DNAH6: variants seen among roughly 807,000 people sequenced by gnomAD.
The protein encoded by DNAH6 is axonemal beta dynein heavy chain 6.
Under a neutral mutation model 491.4 loss-of-function variants are expected in DNAH6, and 340 were observed. The ratio of observed to expected loss-of-function variants is 0.69; its 90% CI spans 0.63 to 0.76. DNAH6 has a LOEUF of 0.76. Among genes scored for constraint, DNAH6 ranks in the 30% least tolerant of loss-of-function variants. DNAH6 has a pLI of 0.00. For missense variants in DNAH6, 4,443 were observed against 4,972.2 expected (o/e 0.89, Z 3.20); for synonymous variants, 1,603 against 1,686.1 (o/e 0.95, Z 1.21).
At chr2:84,689,736 G>A (rs1019009892) in intron 45 of DNAH6, among the ~76,000 whole-genome samples, 9 of 152,170 alleles carry the variant, frequency 5.9e-5, no homozygotes, top group African/African-American at 2.2e-4. Context: ...AGGACCAGAG[G>A]CATTATTGCA....
the DNAH6 span, among the ~76,000 whole-genome samples, chr2:84,504,090 G>T: frequency 2.6e-5 from 4 of 151,630 alleles, no homozygotes; most frequent in African/African-American, 9.7e-5. Flanking sequence ...CTTGTTTTTT[G>T]TTATTTTTTT....
rs1691441527 is a variant in DNAH6, at chr2:84,660,929, G to T, written c.6084+1760G>T. Among the ~76,000 whole-genome samples the T allele has an allele frequency of 2.6e-5, 4 of 152,194 alleles. No homozygotes were observed. The South Asian group carries it at 8.3e-4, about 32-fold the overall frequency. On this transcript the variant is annotated intron_variant, in intron 37 of 76. Transcript: ENST00000389394. ...AGAGAGATAATTAAATGCAATGTAT[G>T]ATCCTGGAATGGATCTTAGACTTGG...
intron 15 of DNAH6, among the ~76,000 whole-genome samples, chr2:84,588,263 A>G (rs1683760856): frequency 6.6e-6 from 1 of 152,228 alleles, no homozygotes; most frequent in Admixed American, 6.5e-5. Flanking sequence ...CTATGGCTAT[A>G]AAGGTTCTCA....
At chr2:84,778,103 C>T (rs1037224337) in intron 64 of DNAH6, 1 of 803,344 alleles carries the variant, frequency 1.2e-6, no homozygotes, top group Non-Finnish European at 2.3e-6. Context: ...AACTGCCCGT[C>T]AGTTGTGGCA....
chr2:84,550,513 A>G (rs1358240141), intron 9 of DNAH6, among the ~76,000 whole-genome samples: 1 of 152,178 alleles, frequency 6.6e-6, no homozygotes, highest in Non-Finnish European at 1.5e-5. Flanking sequence ...ATTTCATGTT[A>G]TAATCAAAGC....
chr2:84,694,179 TG>T, intron 45 of DNAH6, 69 bp from the exon 46 acceptor site: 1 of 1,395,542 alleles, frequency 7.2e-7, no homozygotes, highest in Non-Finnish European at 9.9e-7. Flanking sequence ...CCTTTGGCTC[TG>T]GGGCAGGCTC....
At position 84,544,406 on chromosome 2, in the gene DNAH6, G is replaced by A. The variant is rs566874581; in HGVS notation, c.836G>A (p.Trp279Ter). The A allele has an allele frequency of 5.8e-5, 89 of 1,544,262 alleles. No individual in the cohort carries two copies. The highest frequency in any genetic ancestry group is 7.2e-5 in the Non-Finnish European group (82 of 1,140,448). The change falls in exon 5 of 77, where the codon TGG becomes TAG. Residue 279 changes from tryptophan to a stop codon, truncating the protein, a stop_gained. Coordinates refer to ENST00000389394, the MANE Select transcript of DNAH6 (RefSeq NM_001370.2). LOFTEE classifies it high-confidence loss of function. ...CCCATATTTTCACTGTTCCGGAAAT[G>A]GAAGGCTTTTAGTGTATGGAGGAAG... ...KIPIFSLFRK[W>*]KAFSVWRKNV...
At chr2:84,690,464 A>G (rs956097009) in intron 45 of DNAH6, among the ~76,000 whole-genome samples, 3 of 152,214 alleles carry the variant, frequency 2.0e-5, no homozygotes, top group Non-Finnish European at 4.4e-5. Flanking sequence ...CCCTAAGCCT[A>G]CAAGGAAAAA....
At chr2:84,711,858 A>G (rs2104878221) in intron 56 of DNAH6, among the ~76,000 whole-genome samples, 1 of 152,356 alleles carries the variant, frequency 6.6e-6, no homozygotes, top group East Asian at 1.9e-4. Flanking sequence ...TGGCACAGGT[A>G]TTTTAGCTCC....
At chr2:84,819,227 ACT>A (rs1243651931) in intron 76 of DNAH6, 76 bp from the exon 77 acceptor site, 3 of 1,045,998 alleles carry the variant, frequency 2.9e-6, no homozygotes, top group Non-Finnish European at 4.2e-6. Flanking sequence ...AGATGTCTTG[ACT>A]CTTTGTAGCC....
intron 37 of DNAH6, among the ~76,000 whole-genome samples, chr2:84,662,116 A>G (rs949779029): frequency 1.3e-5 from 2 of 152,188 alleles, no homozygotes; most frequent in Non-Finnish European, 2.9e-5. Context: ...GGTTTAAAAA[A>G]AAAATAGAAC....
At chr2:84,573,318 A>G in intron 11 of DNAH6, 149 bp from the exon 12 acceptor site, 1 of 571,212 alleles carries the variant, frequency 1.8e-6, no homozygotes, top group Non-Finnish European at 2.9e-6. Flanking sequence ...CATCAAGAAT[A>G]TATCTTTCTT....
chr2:84,613,482 C>T (rs563004133), intron 22 of DNAH6, among the ~76,000 whole-genome samples: 3 of 152,214 alleles, frequency 2.0e-5, no homozygotes, highest in African/African-American at 7.2e-5. Flanking sequence ...GGATTTGATT[C>T]TTGGGCAGGT....
chr2:84,684,161 C>T (rs1271007390), intron 42 of DNAH6, among the ~76,000 whole-genome samples: 1 of 152,138 alleles, frequency 6.6e-6, no homozygotes, highest in Non-Finnish European at 1.5e-5. Flanking sequence ...GAAATCTTGC[C>T]CTCTTATACT....
At chr2:84,573,819 C>T (rs1682151501) in intron 12 of DNAH6, among the ~76,000 whole-genome samples, 1 of 152,152 alleles carries the variant, frequency 6.6e-6, no homozygotes, top group Non-Finnish European at 1.5e-5. Context: ...GCAATTCCTT[C>T]CTAATCGCTT....
Position 84,624,995 on chromosome 2 carries a change from A to C in DNAH6, c.4447A>C (p.Lys1483Gln). 4 of 1,551,660 alleles carry C rather than the reference A, an allele frequency of 2.6e-6. No homozygotes were observed. Among genetic ancestry groups the C allele is most frequent in the Non-Finnish European group, 2.6e-6 (3 of 1,146,920 alleles). Reference sequence around the variant, plus strand: ...TGGCACTGGGAAAACAGAGACTACCAAAGATCTGGCAAAAGCTCTTGCCAT... The same window carrying C: ...TGGCACTGGGAAAACAGAGACTACCCAAGATCTGGCAAAAGCTCTTGCCAT... ...PAGTGKTETTKDLAKALAIQC... is the reference protein window; with the variant it reads ...PAGTGKTETTQDLAKALAIQC... The change falls in exon 29 of 77, where the codon AAA (lysine) becomes CAA (glutamine). Residue 1483 changes from lysine to glutamine, a missense_variant. Physicochemically the swap from Lys to Gln is moderately conservative, Grantham distance 53 (BLOSUM62 1). Transcript: ENST00000389394.
At chr2:84,591,164 G>A (rs918176093) in intron 16 of DNAH6, among the ~76,000 whole-genome samples, 17 of 152,094 alleles carry the variant, frequency 1.1e-4, no homozygotes, top group Admixed American at 6.5e-5. Context: ...AGTAGTGACA[G>A]GATCCAGCAT....
upstream of DNAH6, among the ~76,000 whole-genome samples, chr2:84,513,747 C>A (rs1675420752): frequency 6.6e-6 from 1 of 151,924 alleles, no homozygotes; most frequent in African/African-American, 2.4e-5. Context: ...CCTTTCTCTT[C>A]ATGGGTATTT....
the DNAH6 span, among the ~76,000 whole-genome samples, chr2:84,472,133 A>ACTGC: frequency 6.6e-6 from 1 of 151,980 alleles, no homozygotes; most frequent in East Asian, 1.9e-4. Context: ...TCTTTTTGTA[A>ACTGC]ATTTAAAAAA....
Sources: gnomAD v4.1 joint callset for allele counts (sites outside exome capture counted in the v4.1 genomes callset) on GRCh38, gnomAD v4.1.1 for gene constraint, MANE v1.5 for transcripts, NCBI Gene and HGNC (gene_info 2026-07-23, HGNC 2026-07-21) for gene names.